PDE4B: variants seen among roughly 807,000 people sequenced by gnomAD.
PDE4B encodes the protein 3',5'-cyclic-AMP phosphodiesterase 4B.
Under a neutral mutation model 82.2 loss-of-function variants are expected in PDE4B, and 20 were observed. The observed-to-expected ratio is 0.24, with a 90% CI of 0.17 to 0.35. PDE4B has a LOEUF of 0.35. Ranked by LOEUF, PDE4B falls within the 10% of genes least tolerant of loss-of-function variation. The probability of loss-of-function intolerance (pLI) is 1.00; values close to 1 mark genes in which losing one functional copy is unlikely to be tolerated. For synonymous variants in PDE4B, 320 were observed against 318.9 expected (o/e 1.00, Z -0.04); for missense variants, 655 against 907.2 (o/e 0.72, Z 3.57).
At chr1:66,023,567 A>G (rs959073160) in intron 3 of PDE4B, among the ~76,000 whole-genome samples, 1 of 152,310 alleles carries the variant, frequency 6.6e-6, no homozygotes, top group South Asian at 2.1e-4. Flanking sequence ...CAGGCCCTAT[A>G]GTAATGAAAG....
At chr1:66,287,485 G>A (rs1053250251) in intron 7 of PDE4B, among the ~76,000 whole-genome samples, 6 of 152,122 alleles carry the variant, frequency 3.9e-5, no homozygotes, top group East Asian at 1.9e-4. Context: ...TGAGTCCAGC[G>A]TTCCTCTTGG....
intron 3 of PDE4B, among the ~76,000 whole-genome samples, chr1:65,937,106 A>G (rs894542883): frequency 3.3e-5 from 5 of 152,190 alleles, no homozygotes; most frequent in Non-Finnish European, 7.3e-5. Context: ...CTCAAAGAAG[A>G]TTATAAATAT....
intron 3 of PDE4B, among the ~76,000 whole-genome samples, chr1:66,192,237 C>A (rs930143524): frequency 2.6e-5 from 4 of 152,096 alleles, no homozygotes; most frequent in Non-Finnish European, 4.4e-5. Flanking sequence ...GTGATCCTTT[C>A]TACCCAACTG....
chr1:66,127,804 A>G (rs946523052), intron 3 of PDE4B, among the ~76,000 whole-genome samples: 1 of 152,092 alleles, frequency 6.6e-6, no homozygotes, highest in African/African-American at 2.4e-5. Context: ...CTGGCATCAT[A>G]GTGTTGACTT....
chr1:66,316,776 G>T (rs569692880), intron 7 of PDE4B, among the ~76,000 whole-genome samples: 5 of 152,138 alleles, frequency 3.3e-5, no homozygotes, highest in Admixed American at 6.5e-5. Flanking sequence ...ATCTTTCAAG[G>T]GTAAAAAGGA....
chr1:65,916,624 T>C (rs1190338542), intron 2 of PDE4B, among the ~76,000 whole-genome samples: 1 of 152,204 alleles, frequency 6.6e-6, no homozygotes, highest in Non-Finnish European at 1.5e-5. Context: ...TTTCCTTTAG[T>C]TTATTCTTAA....
At position 66,023,202 on chromosome 1, in the gene PDE4B, G is replaced by T. The variant is rs760469964; in HGVS notation, c.281+104367G>T. Among the ~76,000 whole-genome samples the T allele has an allele frequency of 1.3e-4, 20 of 152,118 alleles. No individual in the cohort carries two copies. The South Asian group carries it at 3.1e-3, about 24-fold the overall frequency. On this transcript the variant is annotated intron_variant, in intron 3 of 16. Transcript: ENST00000341517. ...CTCTGTCATCCTGGTGGATCTAAAAGGTAGTTAATGCAGCTGTACTTCAAT... is the reference window on the plus strand; with the variant it reads ...CTCTGTCATCCTGGTGGATCTAAAATGTAGTTAATGCAGCTGTACTTCAAT...
intron 3 of PDE4B, among the ~76,000 whole-genome samples, chr1:66,185,936 C>A (rs1055689752): frequency 6.6e-6 from 1 of 152,138 alleles, no homozygotes. Context: ...ATGGCATTGC[C>A]TAGGTTTTCT....
chr1:66,315,281 T>A (rs1043787492), intron 7 of PDE4B, among the ~76,000 whole-genome samples: 5 of 152,192 alleles, frequency 3.3e-5, no homozygotes, highest in Non-Finnish European at 1.5e-5. Flanking sequence ...GCATTTGGAG[T>A]TAGAGAAAGT....
intron 1 of PDE4B, among the ~76,000 whole-genome samples, chr1:65,815,923 C>T (rs1002777750): frequency 1.2e-4 from 18 of 152,112 alleles, no homozygotes; most frequent in South Asian, 4.1e-4. Flanking sequence ...TACCTTGTTC[C>T]GTTTCCTCAT....
chr1:66,250,291 G>A (rs151141054), intron 4 of PDE4B, among the ~76,000 whole-genome samples: 145 of 152,226 alleles, frequency 9.5e-4, no homozygotes, highest in African/African-American at 3.4e-3. Flanking sequence ...GGGGGCTGCC[G>A]GATGTTCCCT....
intron 3 of PDE4B, among the ~76,000 whole-genome samples, chr1:66,176,371 G>T (rs1384423190): frequency 1.3e-5 from 2 of 152,222 alleles, no homozygotes; most frequent in Admixed American, 1.3e-4. Flanking sequence ...AACATTCCCT[G>T]CCTGAGATCA....
intron 3 of PDE4B, among the ~76,000 whole-genome samples, chr1:66,093,138 C>T (rs974544292): frequency 3.9e-5 from 6 of 151,946 alleles, no homozygotes; most frequent in African/African-American, 1.2e-4. Context: ...AGACTGTGCT[C>T]ATGGACTAGG....
intron 7 of PDE4B, among the ~76,000 whole-genome samples, chr1:66,317,406 C>A (rs144595118): frequency 6.6e-6 from 1 of 152,192 alleles, no homozygotes; most frequent in South Asian, 2.1e-4. Context: ...CTAAGAAAGT[C>A]TTTAGGAGGA....
At chr1:66,080,625 G>A (rs1466976407) in intron 3 of PDE4B, among the ~76,000 whole-genome samples, 1 of 152,102 alleles carries the variant, frequency 6.6e-6, no homozygotes, top group Non-Finnish European at 1.5e-5. Flanking sequence ...CAGGTGCTGA[G>A]GAGCCCCATC....
intron 3 of PDE4B, among the ~76,000 whole-genome samples, chr1:66,144,012 A>C (rs1646223379): frequency 6.6e-6 from 1 of 152,228 alleles, no homozygotes; most frequent in African/African-American, 2.4e-5. Context: ...TGCTTAAACC[A>C]CTGTAACCAG....
intron 3 of PDE4B, among the ~76,000 whole-genome samples, chr1:66,011,608 CTA>C (rs1163374337): frequency 2.0e-5 from 3 of 152,036 alleles, no homozygotes; most frequent in Non-Finnish European, 4.4e-5. Context: ...ATGACAGACA[CTA>C]TTTCCTATTC....
At position 65,904,314 on chromosome 1, in the gene PDE4B, T is replaced by G. The variant is rs542895652; in HGVS notation, c.-70-8931T>G. On this transcript the variant is annotated intron_variant, in intron 1 of 16. Transcript: ENST00000341517. The stretch of plus-strand genomic sequence containing the variant: ...GTATTAACTTAAAAAAAATTTAGTA[T>G]TGGATCAAAGTCTAATTTAGAAGAA... Among the ~76,000 whole-genome samples the G allele has an allele frequency of 3.3e-5, 5 of 152,306 alleles. No homozygotes were observed. In the East Asian group the frequency reaches 9.6e-4, roughly 29 times the overall value.
intron 2 of PDE4B, among the ~76,000 whole-genome samples, chr1:65,915,178 G>A (rs776375039): frequency 6.6e-6 from 1 of 152,060 alleles, no homozygotes; most frequent in Non-Finnish European, 1.5e-5. Flanking sequence ...GAAATTATAT[G>A]TGCAAATATA....
Sources: gnomAD v4.1 joint callset for allele counts (sites outside exome capture counted in the v4.1 genomes callset) on GRCh38, gnomAD v4.1.1 for gene constraint, MANE v1.5 for transcripts, NCBI Gene and HGNC (gene_info 2026-07-23, HGNC 2026-07-21) for gene names.